SYNE1: variants seen among roughly 807,000 people sequenced by gnomAD.
SYNE1 encodes nesprin-1.
A neutral mutation model predicts 1,111.0 loss-of-function variants in SYNE1; 616 were observed. The observed-to-expected ratio is 0.55, with a 90% CI of 0.52 to 0.59. SYNE1 has a LOEUF of 0.59. SYNE1 is among the 20% of genes least tolerant of loss of function. The pLI is 0.00. For synonymous variants in SYNE1, 3,855 were observed against 3,825.8 expected (o/e 1.01, Z -0.28); for missense variants, 10,006 against 10,417.0 (o/e 0.96, Z 1.72).
At chr6:152,138,066 T>C (rs1387502697) in intron 140 of SYNE1, among the ~76,000 whole-genome samples, 1 of 152,176 alleles carries the variant, frequency 6.6e-6, no homozygotes, top group East Asian at 1.9e-4. Flanking sequence ...TAGATAAAAA[T>C]GCATTTCATA....
At chr6:152,428,098 G>T in intron 37 of SYNE1, 107 bp downstream of exon 37, 1 of 1,467,540 alleles carries the variant, frequency 6.8e-7, no homozygotes, top group Non-Finnish European at 9.4e-7. Flanking sequence ...AGACCCACAA[G>T]TTCACGTCTT....
At position 152,488,409 on chromosome 6, in the gene SYNE1, T is replaced by G. The variant is rs200003096; in HGVS notation, c.1034A>C (p.Gln345Pro). The change falls in exon 12 of 146, where the codon CAG becomes CCG. Residue 345 changes from glutamine (Q) to proline (P), a missense_variant. By Grantham distance (76) the Gln-to-Pro change is moderately conservative (BLOSUM62 -1). This residue lies in a region of SYNE1 where 1,971 missense variants were observed against 2,084.1 expected (regional missense o/e 0.95). Transcript: ENST00000367255. Reference sequence around the variant, plus strand: ...TCCATACAATACCTGATATTTATCCTGTAAATTTGATTCCACCATCTGTGC... The same window carrying G: ...TCCATACAATACCTGATATTTATCCGGTAAATTTGATTCCACCATCTGTGC... ...TRAQMVESNLQDKYQSFKHFR... is the reference protein window; with the variant it reads ...TRAQMVESNLPDKYQSFKHFR... 1.6e-5 allele frequency: 25 copies of G among 1,593,278 alleles called. No individual in the cohort carries two copies. Among genetic ancestry groups the G allele is most frequent in the Non-Finnish European group, 2.0e-5 (23 of 1,162,848 alleles).
In SYNE1 at chr6:152,323,574, T is replaced by A; in HGVS notation, c.15821A>T (p.Gln5274Leu). Residue 5274 changes from glutamine to leucine, a missense_variant, in exon 82 of 146, where the codon CAA becomes CTA. Physicochemically the swap from Gln to Leu is moderately radical, Grantham distance 113. This residue lies in a region of SYNE1 where 4,955 missense variants were observed against 5,017.2 expected (regional missense o/e 0.99). Transcript: ENST00000367255. The part of the protein sequence containing the change: ...QQSALGMLRQ[Q>L]TLSMLQDGAA... ...TCCATCCTGGAGCATGCTCAGGGTTTGCTGCCGCAGCATGCCCAAGGCCGA... is the reference window on the plus strand; with the variant it reads ...TCCATCCTGGAGCATGCTCAGGGTTAGCTGCCGCAGCATGCCCAAGGCCGA... 6.2e-7 allele frequency: 1 copy of A among 1,614,246 alleles called. No homozygotes were observed. Among genetic ancestry groups the A allele is most frequent in the Admixed American group, 1.7e-5 (1 of 60,032 alleles).
chr6:152,593,965 C>T (rs1423798494), intron 3 of SYNE1, among the ~76,000 whole-genome samples: 1 of 152,174 alleles, frequency 6.6e-6, no homozygotes, highest in Non-Finnish European at 1.5e-5. Flanking sequence ...AACCCACCCA[C>T]CTTCTCATTA....
chr6:152,353,134 AATG>A (rs1355194724), intron 69 of SYNE1, 126 bp downstream of exon 69: 1 of 1,269,898 alleles, frequency 7.9e-7, no homozygotes, highest in African/African-American at 1.5e-5. Flanking sequence ...TTTCAAGTAA[AATG>A]ATGAGCTCAG....
chr6:152,312,646 A>G (rs1023031260), intron 87 of SYNE1, among the ~76,000 whole-genome samples: 1 of 148,526 alleles, frequency 6.7e-6, no homozygotes, highest in Non-Finnish European at 1.5e-5. Flanking sequence ...AATGATTTAA[A>G]TATATATTTA....
chr6:152,446,098 A>T (rs544762261), intron 29 of SYNE1, among the ~76,000 whole-genome samples: 1 of 148,028 alleles, frequency 6.8e-6, no homozygotes, highest in Non-Finnish European at 1.5e-5. Context: ...TCTAACTTTA[A>T]AGACAGTCAA....
Position 152,133,342 on chromosome 6 carries a change from G to A in SYNE1, c.25935C>T (p.Leu8645=). ...TGATATGACGACTGACCTCCTTCAA[G>A]AGAAGTTTGAGCCGATTTCCAATAA... ...VHVIGNRLKL[L]LKEVSRHIKE... is the part of the protein sequence containing the mutation. The change falls in exon 143 of 146, where the codon CTC becomes CTT. Residue 8645 remains leucine, a synonymous_variant. Transcript: ENST00000367255. The A allele has an allele frequency of 1.2e-6, 2 of 1,614,138 alleles. No individual in the cohort carries two copies. The highest frequency in any genetic ancestry group is 1.7e-6 in the Non-Finnish European group (2 of 1,180,018).
rs1473133975 is a variant in SYNE1 at position 152,253,817 on chromosome 6, GGTTTTTTTTTTTTTTTT to G, written c.19470+1046_19470+1062del. Among the ~76,000 whole-genome samples the G allele has an allele frequency of 6.4e-3, 376 of 59,146 alleles. 31 individuals are homozygous for G. The highest frequency in any genetic ancestry group is 0.029 in the African/African-American group (359 of 12,348). 38.8% of individuals were successfully genotyped at this position (59,146 alleles called of 152,430 possible). ...ATGCTACATTTATGTGTAGTGGTTT[GGTTTTTTTTTTTTTTTT>G]TTTTTTTTTTTTTTTTTTTTTTTTT... On this transcript the variant is annotated intron_variant, in intron 104 of 145. Transcript: ENST00000367255.
At chr6:152,242,639 A>T (rs1291362542) in intron 106 of SYNE1, among the ~76,000 whole-genome samples, 199 bp from the exon 107 acceptor site, 1 of 152,142 alleles carries the variant, frequency 6.6e-6, no homozygotes, top group Non-Finnish European at 1.5e-5. Context: ...TTCACAAAGA[A>T]ATGACCTTTG....
At chr6:152,555,654 T>C (rs956748109) in intron 3 of SYNE1, among the ~76,000 whole-genome samples, 1 of 152,144 alleles carries the variant, frequency 6.6e-6, no homozygotes, top group African/African-American at 2.4e-5. Context: ...CCAGAACAAT[T>C]GGAACCCAAG....
chr6:152,526,792 C>T (rs1594710668), intron 4 of SYNE1, among the ~76,000 whole-genome samples: 1 of 152,062 alleles, frequency 6.6e-6, no homozygotes, highest in Non-Finnish European at 1.5e-5. Context: ...GGCATTGAAC[C>T]CAAAAGATCA....
chr6:152,169,745 A>G (rs1350809194), intron 130 of SYNE1, among the ~76,000 whole-genome samples: 1 of 151,448 alleles, frequency 6.6e-6, no homozygotes, highest in Non-Finnish European at 1.5e-5. Context: ...GGCTGCAGTG[A>G]GCCATTACTG....
At chr6:152,203,640 T>C (rs1481065494) in intron 126 of SYNE1, among the ~76,000 whole-genome samples, 1 of 152,222 alleles carries the variant, frequency 6.6e-6, no homozygotes, top group Non-Finnish European at 1.5e-5. Context: ...GACACCTTAG[T>C]TTGAGCATAA....
chr6:152,545,646 G>A (rs1213950465), intron 3 of SYNE1, among the ~76,000 whole-genome samples: 1 of 152,238 alleles, frequency 6.6e-6, no homozygotes, highest in Non-Finnish European at 1.5e-5. Context: ...ATATAGGTAA[G>A]CATGAAATTG....
At chr6:152,533,786 A>G (rs952423076) in intron 4 of SYNE1, among the ~76,000 whole-genome samples, 1 of 152,152 alleles carries the variant, frequency 6.6e-6, no homozygotes, top group Non-Finnish European at 1.5e-5. Flanking sequence ...GGTCACTGCT[A>G]CATTTTCAGC....
At chr6:152,261,925 A>T in intron 101 of SYNE1, 107 bp downstream of exon 101, 1 of 872,674 alleles carries the variant, frequency 1.1e-6, no homozygotes, top group Non-Finnish European at 1.7e-6. Flanking sequence ...GTCATGTCTT[A>T]GTTTGAAATT....
chr6:152,456,153 G>A (rs1241050776), intron 22 of SYNE1, 109 bp from the exon 23 acceptor site: 1 of 1,194,730 alleles, frequency 8.4e-7, no homozygotes, highest in Non-Finnish European at 1.2e-6. Flanking sequence ...TAGCTTTTAG[G>A]CTTCTAACAC....
In SYNE1 at chr6:152,354,205, G is replaced by C. The variant is rs528596688; in HGVS notation, c.10926+454C>G. On this transcript the variant is annotated intron_variant, in intron 67 of 145. Transcript: ENST00000367255. Reference sequence around the variant, plus strand: ...GGCATAATTTTTTAGACCTCCTATTGTACCTAGATCAATTTTAAAATGGGT... The same window carrying C: ...GGCATAATTTTTTAGACCTCCTATTCTACCTAGATCAATTTTAAAATGGGT... Among the ~76,000 whole-genome samples the C allele has an allele frequency of 7.9e-5, 12 of 152,198 alleles. No individual in the cohort carries two copies. The South Asian group carries it at 1.9e-3, about 24-fold the overall frequency.
Sources: gnomAD v4.1 joint callset for allele counts (sites outside exome capture counted in the v4.1 genomes callset) on GRCh38, gnomAD v4.1.1 for gene constraint, gnomAD v4.1.1 regional missense constraint, MANE v1.5 for transcripts, NCBI Gene and HGNC (gene_info 2026-07-23, HGNC 2026-07-21) for gene names.